SMO: variants seen among roughly 807,000 people sequenced by gnomAD.
The protein encoded by SMO is smoothened, frizzled class receptor, also known as protein smoothened.
SMO carries 40 observed loss-of-function variants against 81.6 expected under a neutral mutation model. The ratio of observed to expected loss-of-function variants is 0.49; its 90% CI spans 0.38 to 0.64. SMO has a LOEUF of 0.64. Ranked by LOEUF, SMO falls within the 30% of genes least tolerant of loss-of-function variation. The pLI is 0.00. For synonymous variants in SMO, 434 were observed against 432.1 expected (o/e 1.00, Z -0.05); for missense variants, 916 against 1,061.1 (o/e 0.86, Z 1.90).
chr7:129,206,086 G>C lies in SMO; in HGVS notation c.921-64G>C. On this transcript the variant is annotated intron_variant, in intron 4 of 11. Transcript: ENST00000249373. This position sits in a 1 kb window ranked among gnomAD's most constrained non-coding sequence, Gnocchi z 4.4. ...GCAGCTGAGGGTCTGGGCACAGGGT[G>C]GGGAGACCAGGTAGAGGGAGTACAG... The C allele has an allele frequency of 7.6e-7, 1 of 1,313,626 alleles. No homozygotes were observed. The highest frequency in any genetic ancestry group is 1.1e-6 in the Non-Finnish European group (1 of 936,606). The allele number at this position is 1,313,626 out of a possible 1,614,324, so 81.4% of individuals were successfully genotyped here.
At chr7:129,198,163 G>C (rs13244260) in intron 1 of SMO, among the ~76,000 whole-genome samples, 1 of 151,998 alleles carries the variant, frequency 6.6e-6, no homozygotes, top group Non-Finnish European at 1.5e-5. Flanking sequence ...TATTGCCCAG[G>C]TTGGTCTCGA....
chr7:129,202,805 G>A (rs1412917615), intron 1 of SMO, among the ~76,000 whole-genome samples: 6 of 152,146 alleles, frequency 3.9e-5, no homozygotes, highest in Admixed American at 2.0e-4. Context: ...AATGGGCCCC[G>A]TGAGAGTTGG....
At chr7:129,190,347 G>A (rs1041692688) in intron 1 of SMO, among the ~76,000 whole-genome samples, 1 of 152,200 alleles carries the variant, frequency 6.6e-6, no homozygotes, top group African/African-American at 2.4e-5. Context: ...TTCCTTAGCA[G>A]TGTGGAGTAT....
At chr7:129,203,622 C>T (rs2150647026) in intron 2 of SMO, 33 bp downstream of exon 2, 6 of 1,555,198 alleles carry the variant, frequency 3.9e-6, no homozygotes, top group Non-Finnish European at 4.3e-6. Context: ...TCCAGGCTCT[C>T]TGGGTTGGGC....
Position 129,206,666 on chromosome 7 carries a change from A to C in SMO, c.1264+79A>C, listed in dbSNP as rs2150651051. On this transcript the variant is annotated intron_variant, in intron 6 of 11. Transcript: ENST00000249373. The surrounding 1 kb of genome is among the most constrained non-coding windows in gnomAD (Gnocchi z 4.4). ...GCTGCCAGTACTGGGAGCTGCCAGC[A>C]CGGCTGCCCCCATGCTGAAACCCCA... The C allele has an allele frequency of 6.6e-7, 1 of 1,507,994 alleles. No homozygotes were observed. The highest frequency in any genetic ancestry group is 9.1e-7 in the Non-Finnish European group (1 of 1,104,096). 93.4% of individuals were successfully genotyped at this position (1,507,994 alleles called of 1,614,324 possible). A position where few individuals can be genotyped will look rare whatever the true frequency, so the allele number is the denominator to read the frequency against.
Position 129,210,973 on chromosome 7 carries a change from G to A in SMO, c.1661G>A (p.Gly554Glu), listed in dbSNP as rs1793859145. ...ATCCCTTCTGCTCTCAGGTTGACTGGGCAGAGTGACGATGAGCCAAAGCGG... is the reference window on the plus strand; with the variant it reads ...ATCCCTTCTGCTCTCAGGTTGACTGAGCAGAGTGACGATGAGCCAAAGCGG... ...IWRRTWCRLT[G>E]QSDDEPKRIK... Residue 554 changes from glycine (G) to glutamate (E), a missense_variant, in exon 10 of 12, where the codon GGG (glycine) becomes GAG (glutamate). Physicochemically the swap from Gly to Glu is moderately conservative, Grantham distance 98. This residue lies in a region of SMO where 324 missense variants were observed against 312.9 expected (regional missense o/e 1.04). Transcript: ENST00000249373. The surrounding 1 kb of genome is among the most constrained non-coding windows in gnomAD (Gnocchi z 4.7). 2.5e-6 allele frequency: 4 copies of A among 1,609,002 alleles called. No individual in the cohort carries two copies. Among genetic ancestry groups the A allele is most frequent in the Non-Finnish European group, 2.5e-6 (3 of 1,177,480 alleles).
intron 1 of SMO, 42 bp from the exon 2 acceptor site, chr7:129,203,342 A>G (rs2150646380): frequency 6.9e-7 from 1 of 1,450,112 alleles, no homozygotes; most frequent in Non-Finnish European, 9.4e-7. Context: ...TGTGGGTCAG[A>G]GTGAGGAGGG....
intron 6 of SMO, among the ~76,000 whole-genome samples, chr7:129,207,198 C>T (rs763032987): frequency 1.1e-4 from 17 of 152,256 alleles, no homozygotes; most frequent in African/African-American, 2.6e-4. Flanking sequence ...AGCTCCTGGC[C>T]GGTGCACTTG....
At position 129,211,208 on chromosome 7, in the gene SMO, A is replaced by G. The variant is rs2150655121; in HGVS notation, c.1801+95A>G. The G allele has an allele frequency of 7.4e-7, 1 of 1,356,244 alleles. No individual in the cohort carries two copies. The allele number at this position is 1,356,244 out of a possible 1,614,324, so 84.0% of individuals were successfully genotyped here. ...TGCTGGGGGCACACAGATTATTTGGAAGACCGACTGTGAGGAGCAAGGCGC... is the reference window on the plus strand; with the variant it reads ...TGCTGGGGGCACACAGATTATTTGGGAGACCGACTGTGAGGAGCAAGGCGC... On this transcript the variant is annotated intron_variant, in intron 10 of 11. Coordinates refer to ENST00000249373, the MANE Select transcript of SMO (RefSeq NM_005631.5). The surrounding 1 kb of genome is among the most constrained non-coding windows in gnomAD (Gnocchi z 4.6).
chr7:129,191,798 T>G (rs1264775133), intron 1 of SMO, among the ~76,000 whole-genome samples: 1 of 152,222 alleles, frequency 6.6e-6, no homozygotes, highest in Non-Finnish European at 1.5e-5. Context: ...TCTTCACTTT[T>G]TTTCAAAGCC....
chr7:129,193,160 G>A (rs1793503494), intron 1 of SMO, among the ~76,000 whole-genome samples: 1 of 152,140 alleles, frequency 6.6e-6, no homozygotes, highest in Non-Finnish European at 1.5e-5. Context: ...TAGTAAGTGG[G>A]GCAAAAAAGC....
intron 1 of SMO, among the ~76,000 whole-genome samples, chr7:129,190,239 T>C (rs535907802): frequency 1.1e-4 from 17 of 152,334 alleles, no homozygotes; most frequent in African/African-American, 4.1e-4. Flanking sequence ...GTCTGGAGTG[T>C]TGAGAGCCTG....
At position 129,209,379 on chromosome 7, in the gene SMO, G is replaced by C. The variant is rs1406380496; in HGVS notation, c.1448G>C (p.Ser483Thr). ...TTCAACCAGGCTGAGTGGGAGCGCA[G>C]CTTCCGGGACTATGTGCTGTGAGTG... Reference protein sequence around the residue: ...DFFNQAEWERSFRDYVLCQAN... With the variant: ...DFFNQAEWERTFRDYVLCQAN... The change falls in exon 8 of 12, where the codon AGC becomes ACC. Residue 483 changes from serine to threonine, a missense_variant. Around this residue, in one of 4 missense-constraint regions of SMO, gnomAD observed 436 missense variants for 570.9 expected, o/e 0.76. Coordinates refer to ENST00000249373, the MANE Select transcript of SMO (RefSeq NM_005631.5). The C allele has an allele frequency of 6.2e-7, 1 of 1,612,466 alleles. No individual in the cohort carries two copies. The highest frequency in any genetic ancestry group is 1.1e-5 in the South Asian group (1 of 91,056).
intron 1 of SMO, among the ~76,000 whole-genome samples, chr7:129,198,514 C>T (rs924868519): frequency 2.6e-5 from 4 of 152,220 alleles, no homozygotes; most frequent in Admixed American, 2.0e-4. Flanking sequence ...AACATGACAA[C>T]ATTGGACATC....
At chr7:129,190,170 T>C (rs1444294336) in intron 1 of SMO, among the ~76,000 whole-genome samples, 1 of 152,156 alleles carries the variant, frequency 6.6e-6, no homozygotes, top group Admixed American at 6.5e-5. Flanking sequence ...AACAGTTATT[T>C]GTGTTTTCTT....
At chr7:129,193,345 A>G (rs978273497) in intron 1 of SMO, among the ~76,000 whole-genome samples, 10 of 152,138 alleles carry the variant, frequency 6.6e-5, no homozygotes, top group Admixed American at 2.0e-4. Flanking sequence ...CCTCTCACAC[A>G]TTGAATTGAG....
At position 129,203,403 on chromosome 7, in the gene SMO, C is replaced by A; in HGVS notation, c.351C>A (p.Arg117=). ...CCCCAGGCCTCCGGAATGCCCCCCG[C>A]TGCTGGGCAGTGATCCAGCCCCTGC... ...VLWSGLRNAP[R]CWAVIQPLLC... Residue 117 remains arginine, a synonymous_variant, in exon 2 of 12, where the codon CGC becomes CGA. Coordinates refer to ENST00000249373, the MANE Select transcript of SMO (RefSeq NM_005631.5). 2 of 1,553,076 alleles carry A rather than the reference C, an allele frequency of 1.3e-6. No homozygotes were observed. The highest frequency in any genetic ancestry group is 1.7e-6 in the Non-Finnish European group (2 of 1,147,914).
intron 4 of SMO, 94 bp downstream of exon 4, chr7:129,205,876 TC>T: frequency 8.5e-7 from 1 of 1,176,648 alleles, no homozygotes; most frequent in Non-Finnish European, 1.2e-6. Context: ...AAAACCGAGA[TC>T]CAGGGCAGGA....
At chr7:129,193,749 A>G (rs1399170239) in intron 1 of SMO, among the ~76,000 whole-genome samples, 3 of 90,152 alleles carry the variant, frequency 3.3e-5, no homozygotes, top group Non-Finnish European at 6.1e-5. Flanking sequence ...ACAGACCGAG[A>G]CTCCATCTCA....
Sources: gnomAD v4.1 joint callset for allele counts (sites outside exome capture counted in the v4.1 genomes callset) on GRCh38, gnomAD v4.1.1 for gene constraint, gnomAD v4.1.1 regional missense constraint, Gnocchi (gnomAD v3.1) non-coding constraint, MANE v1.5 for transcripts, NCBI Gene and HGNC (gene_info 2026-07-23, HGNC 2026-07-21) for gene names.